NCOA7: variants seen among roughly 807,000 people sequenced by gnomAD.
NCOA7 encodes the protein 140 kDa estrogen receptor-associated protein.
NCOA7 carries 45 observed loss-of-function variants against 104.3 expected under a neutral mutation model. The ratio of observed to expected loss-of-function variants is 0.43; its 90% CI spans 0.34 to 0.55. NCOA7 has a LOEUF of 0.55. Among genes scored for constraint, NCOA7 ranks in the 20% least tolerant of loss-of-function variants. The pLI is 0.02. For synonymous variants in NCOA7, 398 were observed against 402.3 expected (o/e 0.99, Z 0.13); for missense variants, 1,041 against 1,119.7 (o/e 0.93, Z 1.00).
intron 2 of NCOA7, among the ~76,000 whole-genome samples, chr6:125,828,085 G>A (rs1778819416): frequency 6.6e-6 from 1 of 152,228 alleles, no homozygotes; most frequent in South Asian, 2.1e-4. Flanking sequence ...TTTCAGAGTT[G>A]TTGGCCTCAG....
rs375545482 is a variant in NCOA7 at position 125,839,110 on chromosome 6, TTTTG to T, written c.51-15890_51-15887del. Among the ~76,000 whole-genome samples the T allele has an allele frequency of 7.2e-5, 11 of 152,002 alleles. No homozygotes were observed. In the East Asian group the frequency reaches 7.8e-4, roughly 11 times the overall value. ...GATTAAATCATTAGCCCTTGGTGAT[TTTTG>T]TTTGTTTGTTTGTTTGTTTTTGAGA... On this transcript the variant is annotated intron_variant, in intron 2 of 15. Coordinates refer to ENST00000392477, the MANE Select transcript of NCOA7 (RefSeq NM_181782.5).
At position 125,881,127 on chromosome 6, in the gene NCOA7, C is replaced by A; in HGVS notation, c.497C>A (p.Thr166Asn). Residue 166 changes from threonine to asparagine, a missense_variant, in exon 6 of 16, where the codon ACC becomes AAC. Physicochemically the swap from Thr to Asn is moderately conservative, Grantham distance 65. This residue lies in a region of NCOA7 where 914 missense variants were observed against 942.7 expected (regional missense o/e 0.97). Transcript: ENST00000392477. ...CCAGATGCCAACTCTCCTTCCAGTA[C>A]CTTAAGGCTATCATCATCCAGTCCT... ...FVPDANSPSSTLRLSSSSPGA... is the reference protein window; with the variant it reads ...FVPDANSPSSNLRLSSSSPGA... 6.2e-7 allele frequency: 1 copy of A among 1,614,004 alleles called. No homozygotes were observed. The highest frequency in any genetic ancestry group is 1.3e-5 in the African/African-American group (1 of 75,028).
intron 11 of NCOA7, among the ~76,000 whole-genome samples, chr6:125,916,550 T>C (rs1469594032): frequency 2.0e-5 from 3 of 152,128 alleles, no homozygotes; most frequent in African/African-American, 7.2e-5. Flanking sequence ...CTAGGAAAAA[T>C]AGGTCTACCC....
chr6:125,845,216 C>A (rs934824314), intron 2 of NCOA7, among the ~76,000 whole-genome samples: 1 of 151,912 alleles, frequency 6.6e-6, no homozygotes, highest in Non-Finnish European at 1.5e-5. Context: ...CCAGAACAGC[C>A]AAGAAAAGAA....
chr6:125,838,125 T>C (rs1779786994), intron 2 of NCOA7, among the ~76,000 whole-genome samples: 1 of 151,542 alleles, frequency 6.6e-6, no homozygotes, highest in Admixed American at 6.6e-5. Context: ...AAGCATACAA[T>C]TTTTTTTTAA....
At position 125,922,668 on chromosome 6, in the gene NCOA7, C is replaced by T; in HGVS notation, c.2371-14C>T. ...GTGAACCTTCTGTTTACATCTCTTC[C>T]TTTGGCTTTGTAGCTGGCCCGACGC... On this transcript the variant is annotated splice_polypyrimidine_tract_variant and intron_variant, in intron 12 of 15. Coordinates refer to ENST00000392477, the MANE Select transcript of NCOA7 (RefSeq NM_181782.5). The T allele has an allele frequency of 6.2e-7, 1 of 1,609,192 alleles. No individual in the cohort carries two copies. Among genetic ancestry groups the T allele is most frequent in the Non-Finnish European group, 8.5e-7 (1 of 1,178,368 alleles).
intron 2 of NCOA7, among the ~76,000 whole-genome samples, chr6:125,843,202 A>G (rs1175872578): frequency 2.0e-5 from 3 of 152,180 alleles, no homozygotes; most frequent in Non-Finnish European, 2.9e-5. Context: ...TCCATATAAG[A>G]GGGAGGTTTG....
At chr6:125,848,377 A>G (rs1380491801) in intron 2 of NCOA7, among the ~76,000 whole-genome samples, 7 of 152,196 alleles carry the variant, frequency 4.6e-5, no homozygotes, top group Non-Finnish European at 8.8e-5. Flanking sequence ...ACTATTCACA[A>G]TAACAAAGAC....
chr6:125,795,406 T>G (rs1352855740), intron 1 of NCOA7, among the ~76,000 whole-genome samples: 21 of 152,192 alleles, frequency 1.4e-4, no homozygotes, highest in Admixed American at 1.2e-3. Context: ...GTGAAAGTAC[T>G]CCCTCTCATC....
At chr6:125,791,131 C>G (rs1314872473) in intron 1 of NCOA7, 64 bp downstream of exon 1, 1 of 153,008 alleles carries the variant, frequency 6.5e-6, no homozygotes, top group Admixed American at 6.5e-5. Context: ...GCCGAGAGGC[C>G]GCGAGCAGGG....
intron 10 of NCOA7, among the ~76,000 whole-genome samples, chr6:125,901,939 C>T (rs1056202019): frequency 1.3e-5 from 2 of 152,126 alleles, no homozygotes; most frequent in African/African-American, 4.8e-5. Flanking sequence ...CCGTCCCCGA[C>T]CAAACTTCTC....
chr6:125,926,264 A>G (rs1288060673), intron 13 of NCOA7, among the ~76,000 whole-genome samples: 1 of 150,942 alleles, frequency 6.6e-6, no homozygotes, highest in Non-Finnish European at 1.5e-5. Flanking sequence ...AGGGGCTGAG[A>G]TCATGCCATT....
In NCOA7 at chr6:125,792,675, C is replaced by T. The variant is rs1361962003; in HGVS notation, c.-65+1608C>T. Among the ~76,000 whole-genome samples, 3 of 151,840 alleles carry T rather than the reference C, an allele frequency of 2.0e-5. No homozygotes were observed. In the South Asian group the frequency reaches 6.2e-4, roughly 32 times the overall value. On this transcript the variant is annotated intron_variant, in intron 1 of 15. Coordinates refer to ENST00000392477, the MANE Select transcript of NCOA7 (RefSeq NM_181782.5). Reference sequence around the variant, plus strand: ...TACACAATTTAAACTGTTTTCTCCTCGGTATAGAAACACATCAGTTTCCAA... The same window carrying T: ...TACACAATTTAAACTGTTTTCTCCTTGGTATAGAAACACATCAGTTTCCAA...
chr6:125,836,784 A>G (rs1160440827), intron 2 of NCOA7, among the ~76,000 whole-genome samples: 3 of 152,252 alleles, frequency 2.0e-5, no homozygotes, highest in African/African-American at 7.2e-5. Flanking sequence ...GCCTTTTATC[A>G]ACAACTACTA....
chr6:125,846,468 T>C (rs570441012), intron 2 of NCOA7, among the ~76,000 whole-genome samples: 1 of 152,136 alleles, frequency 6.6e-6, no homozygotes, highest in Admixed American at 6.6e-5. Context: ...CATGTTAGCC[T>C]CTTGCTTTTG....
At chr6:125,916,231 A>T (rs1787068878) in intron 11 of NCOA7, among the ~76,000 whole-genome samples, 1 of 152,208 alleles carries the variant, frequency 6.6e-6, no homozygotes, top group South Asian at 2.1e-4. Flanking sequence ...CTTGTGAAGA[A>T]GGTGCTTACC....
At chr6:125,836,597 G>A (rs377023884) in intron 2 of NCOA7, among the ~76,000 whole-genome samples, 6 of 152,158 alleles carry the variant, frequency 3.9e-5, no homozygotes, top group Admixed American at 3.9e-4. Flanking sequence ...GTCCAGCTGA[G>A]TTTTCTTATG....
At chr6:125,917,557 G>A (rs1459102878) in intron 11 of NCOA7, among the ~76,000 whole-genome samples, 1 of 152,166 alleles carries the variant, frequency 6.6e-6, no homozygotes, top group Non-Finnish European at 1.5e-5. Context: ...TTTGGCATCT[G>A]TATCCTATAA....
chr6:125,871,328 C>T (rs1416504343), intron 3 of NCOA7, among the ~76,000 whole-genome samples: 1 of 152,194 alleles, frequency 6.6e-6, no homozygotes, highest in Non-Finnish European at 1.5e-5. Flanking sequence ...CATGGCAGCT[C>T]ATGCCTCGTC....
Sources: allele counts gnomAD v4.1 joint callset (sites outside exome capture counted in the v4.1 genomes callset), GRCh38; gene constraint gnomAD v4.1.1; regional missense constraint gnomAD v4.1.1; transcripts MANE v1.5; gene names NCBI Gene and HGNC (gene_info 2026-07-23, HGNC 2026-07-21).